The following SMARCAD1 variants were observed in gnomAD, a reference collection of about 807,000 sequenced individuals.
The protein encoded by SMARCAD1 is SWI/SNF-related matrix-associated actin-dependent regulator of chromatin subfamily A containing DEAD/H box 1.
A neutral mutation model predicts 127.1 loss-of-function variants in SMARCAD1; 25 were observed. The ratio of observed to expected loss-of-function variants is 0.20; its 90% confidence interval spans 0.14 to 0.27. The LOEUF is 0.27. Ranked by LOEUF, SMARCAD1 falls within the 10% of genes least tolerant of loss-of-function variation. The pLI is 1.00. For missense variants in SMARCAD1, 807 were observed against 1,206.0 expected, an observed-to-expected ratio of 0.67 and a Z score of 4.90; for synonymous variants, 400 against 396.9, an observed-to-expected ratio of 1.01 and a Z score of -0.09.
chr4:94,272,544 A>T (rs531775420), intron 11 of SMARCAD1, among the ~76,000 whole-genome samples: 1 of 152,198 alleles, frequency 6.6e-6, no homozygotes, highest in South Asian at 2.1e-4. Context: ...CACTATTCTT[A>T]TACCTATCCT....
chr4:94,282,318 G>A (rs1011328494), intron 21 of SMARCAD1, among the ~76,000 whole-genome samples: 2 of 150,258 alleles, frequency 1.3e-5, no homozygotes, highest in Non-Finnish European at 3.0e-5. Context: ...GGATGGTCTC[G>A]ATCTCCTGAC....
chr4:94,264,784 T>G lies in SMARCAD1; in HGVS notation c.1359T>G (p.Asp453Glu). The G allele has an allele frequency of 6.2e-7, 1 of 1,612,694 alleles. No homozygotes were observed. The highest frequency in any genetic ancestry group is 8.5e-7 in the Non-Finnish European group (1 of 1,179,174). ...WHCKTLIQER[D>E]VVIRLMNKCE... ...GTAAAACACTGATCCAAGAAAGAGA[T>G]GTAGTTATAAGGCTTATGAACAAAT... Residue 453 changes from aspartate (D) to glutamate (E), a missense_variant, in exon 10 of 24, where the codon GAT becomes GAG. Asp to Glu is a conservative substitution (Grantham distance 45, BLOSUM62 2). Around this residue, in one of 8 missense-constraint regions of SMARCAD1, gnomAD observed 257 missense variants for 303.4 expected, o/e 0.85. Transcript: ENST00000354268.
At chr4:94,225,644 G>T (rs1014165998) in intron 2 of SMARCAD1, among the ~76,000 whole-genome samples, 1 of 152,168 alleles carries the variant, frequency 6.6e-6, no homozygotes, top group Non-Finnish European at 1.5e-5. Flanking sequence ...TGGGATGCTG[G>T]CTATGTGCCA....
At chr4:94,245,125 T>TC (rs1445634154) in intron 6 of SMARCAD1, among the ~76,000 whole-genome samples, 9 of 152,182 alleles carry the variant, frequency 5.9e-5, no homozygotes, top group Non-Finnish European at 1.2e-4. Context: ...TCAGAGAAAT[T>TC]TTAAAAGTTT....
intron 8 of SMARCAD1, among the ~76,000 whole-genome samples, chr4:94,251,206 T>C (rs1749224272): frequency 6.6e-6 from 1 of 152,172 alleles, no homozygotes; most frequent in African/African-American, 2.4e-5. Flanking sequence ...TCTTAGCCTA[T>C]ACTTGCACAG....
chr4:94,238,503 G>T (rs1160310213), intron 5 of SMARCAD1, among the ~76,000 whole-genome samples: 2 of 152,100 alleles, frequency 1.3e-5, no homozygotes, highest in Non-Finnish European at 2.9e-5. Context: ...AGAGGTGAAT[G>T]TTAGCTGTGT....
intron 4 of SMARCAD1, among the ~76,000 whole-genome samples, chr4:94,235,228 CCTTTTTTTTTTTTTTTTTTTTTTTTTTTT>C (rs1746449529): frequency 9.5e-6 from 1 of 104,714 alleles, no homozygotes; most frequent in Admixed American, 1.3e-4. Flanking sequence ...AACCACCAAT[CCTTTTTTTTTTTTTTTTTTTTTTTTTTTT>C]TAGCTTATTG....
At chr4:94,265,660 C>T (rs182316084) in intron 10 of SMARCAD1, among the ~76,000 whole-genome samples, 2 of 151,614 alleles carry the variant, frequency 1.3e-5, no homozygotes, top group Admixed American at 6.6e-5. Context: ...AGTTTGGAGA[C>T]TCAGAACTGT....
At chr4:94,269,185 A>G (rs780609885) in intron 10 of SMARCAD1, among the ~76,000 whole-genome samples, 1 of 152,194 alleles carries the variant, frequency 6.6e-6, no homozygotes, top group African/African-American at 2.4e-5. Flanking sequence ...TTTAAGATGG[A>G]CATCATTCAA....
intron 22 of SMARCAD1, among the ~76,000 whole-genome samples, chr4:94,284,341 A>AG (rs1378530111): frequency 1.9e-5 from 2 of 104,286 alleles, no homozygotes; most frequent in African/African-American, 5.9e-5. Context: ...AAAAAAAAAA[A>AG]AAAAAAAAAA....
At chr4:94,212,429 C>T (rs1363251124) in intron 2 of SMARCAD1, among the ~76,000 whole-genome samples, 2 of 152,120 alleles carry the variant, frequency 1.3e-5, no homozygotes, top group African/African-American at 2.4e-5. Flanking sequence ...CGTGCCTTGG[C>T]CTCTGAAAGT....
rs756375130 is a variant in SMARCAD1 at position 94,290,828 on chromosome 4, T to C, written c.*1294T>C. On this transcript the variant is annotated 3_prime_UTR_variant, in exon 24 of 24. Coordinates refer to ENST00000354268, the MANE Select transcript of SMARCAD1 (RefSeq NM_020159.5). ...AACTTATTTATAAATCAAAGATTTG[T>C]TAATTTTTGGAAATCATGCTTTTCA... is the stretch of plus-strand genomic sequence containing the variant. 9.1e-6 allele frequency: 4 copies of C among 437,348 alleles called. No individual in the cohort carries two copies. Among genetic ancestry groups the C allele is most frequent in the Non-Finnish European group, 1.8e-5 (4 of 220,638 alleles). 27.1% of individuals were successfully genotyped at this position (437,348 alleles called of 1,614,324 possible).
chr4:94,223,734 ATTTTTTTTTT>A (rs944591007), intron 2 of SMARCAD1, among the ~76,000 whole-genome samples: 1 of 100,156 alleles, frequency 1.0e-5, no homozygotes, highest in Non-Finnish European at 2.0e-5. Context: ...CTCCCGGCTA[ATTTTTTTTTT>A]TTTTTTTTTT....
At chr4:94,238,612 CAAAA>C (rs772707804) in intron 5 of SMARCAD1, among the ~76,000 whole-genome samples, 34 of 149,908 alleles carry the variant, frequency 2.3e-4, no homozygotes, top group African/African-American at 4.3e-4. Context: ...GACCCTGTCT[CAAAA>C]GAAAGAAAGA....
intron 2 of SMARCAD1, among the ~76,000 whole-genome samples, chr4:94,215,188 T>G (rs1742971819): frequency 1.3e-5 from 2 of 152,202 alleles, no homozygotes; most frequent in South Asian, 4.1e-4. Flanking sequence ...AACCTGTAGA[T>G]AGTCATTGTG....
At chr4:94,253,040 T>G in intron 9 of SMARCAD1, 33 bp downstream of exon 9, 1 of 1,605,250 alleles carries the variant, frequency 6.2e-7, no homozygotes. Flanking sequence ...CCCTTGTATG[T>G]GTGTGTGTAT....
At chr4:94,251,864 T>G (rs942990011) in intron 8 of SMARCAD1, among the ~76,000 whole-genome samples, 1 of 152,168 alleles carries the variant, frequency 6.6e-6, no homozygotes, top group Non-Finnish European at 1.5e-5. Flanking sequence ...ATTTTTTATT[T>G]TTTTTGAGAC....
intron 6 of SMARCAD1, among the ~76,000 whole-genome samples, chr4:94,241,461 C>T (rs1747561498): frequency 6.6e-6 from 1 of 152,148 alleles, no homozygotes; most frequent in Non-Finnish European, 1.5e-5. Context: ...ACTCTAATGA[C>T]CTCATTTTAA....
intron 2 of SMARCAD1, chr4:94,213,128 C>T (rs1290688648): frequency 7.8e-7 from 1 of 1,281,638 alleles, no homozygotes; most frequent in Non-Finnish European, 1.0e-6. Context: ...GAAGCCTGAT[C>T]CTCCAAGAGC....
Sources: gnomAD v4.1 joint callset for allele counts (sites outside exome capture counted in the v4.1 genomes callset) on GRCh38, gnomAD v4.1.1 for gene constraint, gnomAD v4.1.1 regional missense constraint, MANE v1.5 for transcripts, NCBI Gene and HGNC (gene_info 2026-07-23, HGNC 2026-07-21) for gene names.